CTNNBL1: variants seen among roughly 807,000 people sequenced by gnomAD.
The protein encoded by CTNNBL1 is catenin beta like 1, also known as beta-catenin-like protein 1.
A neutral mutation model predicts 72.7 loss-of-function variants in CTNNBL1; 31 were observed. The ratio of observed to expected loss-of-function variants is 0.43; its 90% CI spans 0.32 to 0.58. CTNNBL1 has a LOEUF of 0.58. Among genes scored for constraint, CTNNBL1 ranks in the 20% least tolerant of loss-of-function variants. The probability of loss-of-function intolerance (pLI) is 0.08; values close to 1 mark genes in which losing one functional copy is unlikely to be tolerated. For missense variants in CTNNBL1, 534 were observed against 725.1 expected (o/e 0.74, Z 3.03); for synonymous variants, 240 against 267.3 (o/e 0.90, Z 1.00).
chr20:37,801,458 C>G (rs1056281271), intron 10 of CTNNBL1, among the ~76,000 whole-genome samples: 1 of 152,116 alleles, frequency 6.6e-6, no homozygotes, highest in Non-Finnish European at 1.5e-5. Flanking sequence ...AAATTATGCT[C>G]CCTAGGGAAG....
chr20:37,805,543 C>T (rs1201379612), intron 11 of CTNNBL1, among the ~76,000 whole-genome samples: 6 of 151,624 alleles, frequency 4.0e-5, no homozygotes, highest in Non-Finnish European at 7.4e-5. Flanking sequence ...ACTACAGGCG[C>T]CCACCACCAC....
intron 1 of CTNNBL1, among the ~76,000 whole-genome samples, chr20:37,707,631 A>G (rs754094084): frequency 8.5e-5 from 13 of 152,178 alleles, no homozygotes; most frequent in Non-Finnish European, 1.6e-4. Flanking sequence ...TTCTCCATAT[A>G]AGCAGTAAGG....
intron 11 of CTNNBL1, among the ~76,000 whole-genome samples, chr20:37,804,715 G>A (rs1192654256): frequency 6.6e-6 from 1 of 152,226 alleles, no homozygotes. Flanking sequence ...CTGGAACAGA[G>A]TGTGAAGGAA....
At chr20:37,752,554 C>A (rs1213579900) in intron 4 of CTNNBL1, among the ~76,000 whole-genome samples, 3 of 146,960 alleles carry the variant, frequency 2.0e-5, no homozygotes, top group Admixed American at 6.7e-5. Context: ...CATCTTATTT[C>A]TCTTTTTTTT....
intron 10 of CTNNBL1, among the ~76,000 whole-genome samples, chr20:37,786,054 G>A (rs2073670694): frequency 6.6e-6 from 1 of 152,206 alleles, no homozygotes; most frequent in Non-Finnish European, 1.5e-5. Context: ...AGAATTCCCT[G>A]GATTACTAGG....
chr20:37,779,219 G>A lies in CTNNBL1; in HGVS notation c.915G>A (p.Glu305=), dbSNP rs1255879181. 1.2e-6 allele frequency: 2 copies of A among 1,613,568 alleles called. No homozygotes were observed. Among genetic ancestry groups the A allele is most frequent in the African/African-American group, 1.3e-5 (1 of 74,890 alleles). Residue 305 remains glutamate (E), a synonymous_variant, in exon 10 of 16, where the codon GAG becomes GAA. Coordinates refer to ENST00000361383, the MANE Select transcript of CTNNBL1 (RefSeq NM_030877.5). ...VFKRHNPSTA[E]EQEMMENLFD... ...AAAGACACAATCCCAGCACGGCTGA[G>A]GAGCAGGAGATGATGGAGAATCTGT...
At chr20:37,770,372 G>C (rs1349849542) in intron 7 of CTNNBL1, among the ~76,000 whole-genome samples, 1 of 152,344 alleles carries the variant, frequency 6.6e-6, no homozygotes, top group African/African-American at 2.4e-5. Flanking sequence ...AGGGGATGGC[G>C]TAGATGTCAG....
At chr20:37,831,708 T>G (rs1018637303) in intron 11 of CTNNBL1, among the ~76,000 whole-genome samples, 2 of 152,166 alleles carry the variant, frequency 1.3e-5, no homozygotes, top group Admixed American at 1.3e-4. Context: ...ATGATGAGCT[T>G]CTCTAGAGTG....
Position 37,787,591 on chromosome 20 carries a change from G to A in CTNNBL1, c.1031+8256G>A, listed in dbSNP as rs142716002. 1.9e-3 allele frequency among the ~76,000 whole-genome samples: 296 copies of A among 152,258 alleles called. 5 individuals carry two copies. In the East Asian group the frequency reaches 0.03, roughly 16 times the overall value. On this transcript the variant is annotated intron_variant, in intron 10 of 15. Transcript: ENST00000361383. ...GATCTCCTGACCTCGTGATCCGCAC[G>A]CCTTGGCCTCCCAAAGTGCTGGGAT...
chr20:37,827,153 A>G (rs2072167581), intron 11 of CTNNBL1, among the ~76,000 whole-genome samples: 2 of 152,234 alleles, frequency 1.3e-5, no homozygotes, highest in East Asian at 1.9e-4. Flanking sequence ...GAGATTCACC[A>G]TAGGTTGTTA....
At chr20:37,762,541 A>G (rs1449308722) in intron 5 of CTNNBL1, among the ~76,000 whole-genome samples, 1 of 152,034 alleles carries the variant, frequency 6.6e-6, no homozygotes, top group Admixed American at 6.6e-5. Context: ...AAAACATCAC[A>G]CCCCAGACAG....
At chr20:37,728,705 T>A (rs1418327425) in intron 1 of CTNNBL1, among the ~76,000 whole-genome samples, 1 of 152,200 alleles carries the variant, frequency 6.6e-6, no homozygotes, top group Non-Finnish European at 1.5e-5. Context: ...ATATCAGGGC[T>A]TTTGCATGGC....
intron 10 of CTNNBL1, among the ~76,000 whole-genome samples, chr20:37,794,751 C>G (rs1161009196): frequency 2.0e-5 from 3 of 152,102 alleles, no homozygotes; most frequent in Admixed American, 2.0e-4. Flanking sequence ...ATCTTCCTGC[C>G]TCAGTCTCCC....
At chr20:37,770,403 G>A (rs1208425047) in intron 7 of CTNNBL1, among the ~76,000 whole-genome samples, 3 of 152,222 alleles carry the variant, frequency 2.0e-5, no homozygotes, top group Non-Finnish European at 4.4e-5. Flanking sequence ...TGTTGGGGGA[G>A]TAGCCACACG....
At position 37,764,863 on chromosome 20, in the gene CTNNBL1, G is replaced by A. The variant is rs772727280; in HGVS notation, c.565-334G>A. ...CTCGTAAGGTAGTACCACAGAGAAGGAGAACGAGCACAGGGCTTGGTTTCA... is the reference window on the plus strand; with the variant it reads ...CTCGTAAGGTAGTACCACAGAGAAGAAGAACGAGCACAGGGCTTGGTTTCA... On this transcript the variant is annotated intron_variant, in intron 5 of 15. Transcript: ENST00000361383. Among the ~76,000 whole-genome samples, 38 of 152,188 alleles carry A rather than the reference G, an allele frequency of 2.5e-4. 1 individual carries two copies. Among genetic ancestry groups the A allele is most frequent in the Admixed American group, 5.2e-4 (8 of 15,286 alleles).
chr20:37,751,761 C>T (rs2073322386), intron 4 of CTNNBL1: 1 of 152,234 alleles, frequency 6.6e-6, no homozygotes. Context: ...AAGGGGCTTT[C>T]TTCTAATTGG....
chr20:37,815,504 G>C (rs1409155300), intron 11 of CTNNBL1, among the ~76,000 whole-genome samples: 1 of 152,074 alleles, frequency 6.6e-6, no homozygotes, highest in Non-Finnish European at 1.5e-5. Flanking sequence ...TTTTGGTAGA[G>C]ACGGGGTTTC....
intron 1 of CTNNBL1, among the ~76,000 whole-genome samples, chr20:37,724,729 G>A (rs78757470): frequency 0.014 from 2,087 of 152,208 alleles, 23 homozygotes; most frequent in Non-Finnish European, 0.021. Flanking sequence ...AGCATTTTCC[G>A]AGAAATGAGT....
At chr20:37,791,104 C>T (rs1381099750) in intron 10 of CTNNBL1, among the ~76,000 whole-genome samples, 1 of 152,190 alleles carries the variant, frequency 6.6e-6, no homozygotes, top group African/African-American at 2.4e-5. Context: ...TCCTTTTTCA[C>T]TGCTGAGTAG....
Sources: gnomAD v4.1 joint callset for allele counts (sites outside exome capture counted in the v4.1 genomes callset) on GRCh38, gnomAD v4.1.1 for gene constraint, MANE v1.5 for transcripts, NCBI Gene and HGNC (gene_info 2026-07-23, HGNC 2026-07-21) for gene names.